Variants in MCF2L2 observed in about 807,000 individuals in gnomAD.
MCF2L2 encodes the protein probable guanine nucleotide exchange factor MCF2L2.
In MCF2L2, 102 loss-of-function variants were observed where a neutral mutation model predicts 150.2. The observed-to-expected ratio is 0.68, with a 90% CI of 0.58 to 0.80. MCF2L2 has a LOEUF of 0.80. Ranked by LOEUF, MCF2L2 falls within the 30% of genes least tolerant of loss-of-function variation. The pLI, the probability that MCF2L2 is intolerant of heterozygous loss-of-function variation, is 0.00. For synonymous variants in MCF2L2, 465 were observed against 491.3 expected, an observed-to-expected ratio of 0.95 and a Z score of 0.71; for missense variants, 1,256 against 1,372.8, an observed-to-expected ratio of 0.91 and a Z score of 1.34.
At chr3:183,350,727 A>C (rs1731079427) in intron 3 of MCF2L2, among the ~76,000 whole-genome samples, 1 of 151,998 alleles carries the variant, frequency 6.6e-6, no homozygotes, top group African/African-American at 2.4e-5. Context: ...ACACGGTGAA[A>C]CCCTGTCTCT....
intron 2 of MCF2L2, among the ~76,000 whole-genome samples, chr3:183,380,306 G>A (rs990707316): frequency 1.3e-5 from 2 of 152,176 alleles, no homozygotes; most frequent in Non-Finnish European, 2.9e-5. Context: ...CACTGTGACT[G>A]TTTTAAATTT....
At chr3:183,272,798 A>G in intron 15 of MCF2L2, 10 of 1,168,024 alleles carry the variant, frequency 8.6e-6, no homozygotes, top group Non-Finnish European at 1.1e-5. Context: ...CTGTGTATCT[A>G]TACTTGGAAG....
At position 183,216,622 on chromosome 3, in the gene MCF2L2, C is replaced by T. The variant is rs551700130; in HGVS notation, c.2371-528G>A. The stretch of plus-strand genomic sequence containing the variant: ...TTTTTTTTTTTTTTTTTTTTGAGAG[C>T]GAGAGAGAGTTTCACTCTGTCACCC... On this transcript the variant is annotated intron_variant, in intron 21 of 29. Transcript: ENST00000328913. Among the ~76,000 whole-genome samples the T allele has an allele frequency of 4.1e-4, 41 of 98,816 alleles. 1 individual carries two copies. In the Admixed American group the frequency reaches 4.3e-3, roughly 10 times the overall value. 64.8% of individuals were successfully genotyped at this position (98,816 alleles called of 152,430 possible).
chr3:183,331,805 C>T (rs1200104653), intron 5 of MCF2L2, among the ~76,000 whole-genome samples: 2 of 152,262 alleles, frequency 1.3e-5, no homozygotes, highest in South Asian at 2.1e-4. Context: ...TGCAGTGAGT[C>T]CTGATGGAGC....
intron 2 of MCF2L2, among the ~76,000 whole-genome samples, chr3:183,386,485 C>G (rs1713839230): frequency 6.6e-6 from 1 of 152,232 alleles, no homozygotes; most frequent in Admixed American, 6.5e-5. Flanking sequence ...CTTCTACCAG[C>G]CGTGGGAACA....
chr3:183,361,944 A>T (rs1467548741), intron 3 of MCF2L2, among the ~76,000 whole-genome samples: 1 of 152,212 alleles, frequency 6.6e-6, no homozygotes, highest in Non-Finnish European at 1.5e-5. Context: ...TGTTTCATGC[A>T]CAAAATTATT....
chr3:183,324,333 G>A (rs1729939375), intron 5 of MCF2L2, among the ~76,000 whole-genome samples: 1 of 152,142 alleles, frequency 6.6e-6, no homozygotes, highest in Admixed American at 6.5e-5. Context: ...TGGCCTGGGT[G>A]TGGTTCTGGC....
intron 15 of MCF2L2, among the ~76,000 whole-genome samples, chr3:183,258,038 G>T (rs1725223385): frequency 7.3e-6 from 1 of 136,662 alleles, no homozygotes; most frequent in Admixed American, 8.2e-5. Context: ...TGCCATCTCG[G>T]CTCACCGCAA....
At chr3:183,399,761 G>A (rs73062770) in intron 1 of MCF2L2, among the ~76,000 whole-genome samples, 3,119 of 152,158 alleles carry the variant, frequency 0.02, 116 homozygotes, top group African/African-American at 0.071. Flanking sequence ...TATTGAAATG[G>A]TAAAGGTTCA....
chr3:183,220,922 T>A (rs1723126191), intron 20 of MCF2L2, among the ~76,000 whole-genome samples: 1 of 152,242 alleles, frequency 6.6e-6, no homozygotes, highest in South Asian at 2.1e-4. Flanking sequence ...TGTTCACATT[T>A]TCCCCAATGT....
At chr3:183,367,138 C>T (rs1712583325) in intron 3 of MCF2L2, among the ~76,000 whole-genome samples, 2 of 152,076 alleles carry the variant, frequency 1.3e-5, no homozygotes, top group African/African-American at 2.4e-5. Flanking sequence ...ACAACTGTCA[C>T]TTGAGAGGTC....
At chr3:183,246,912 G>GT (rs1333665793) in intron 15 of MCF2L2, among the ~76,000 whole-genome samples, 1 of 152,058 alleles carries the variant, frequency 6.6e-6, no homozygotes, top group Admixed American at 6.5e-5. Context: ...GGTTGTTTTT[G>GT]TTTTTTGTTT....
rs60736939 is a variant in MCF2L2 at position 183,238,995 on chromosome 3, C to CAAA, written c.1863-7981_1863-7979dup. ...CTGGGCAACAGAGCGATATCCGTCT[C>CAAA]AAAAAAAAAAAAAAAAAAAAAAAGA... On this transcript the variant is annotated intron_variant, in intron 15 of 29. Coordinates refer to ENST00000328913, the MANE Select transcript of MCF2L2 (RefSeq NM_015078.4). 2.2e-3 allele frequency among the ~76,000 whole-genome samples: 198 copies of CAAA among 88,762 alleles called. 3 individuals are homozygous for CAAA. The highest frequency in any genetic ancestry group is 6.3e-3 in the Middle Eastern group (1 of 158). 58.2% of individuals were successfully genotyped at this position (88,762 alleles called of 152,430 possible).
At chr3:183,231,052 A>G in intron 15 of MCF2L2, 35 bp from the exon 16 acceptor site, 2 of 1,488,562 alleles carry the variant, frequency 1.3e-6, no homozygotes, top group Non-Finnish European at 9.4e-7. Context: ...GGTGAAAGAG[A>G]GAGAGACAGG....
At chr3:183,258,987 C>T (rs74802279) in intron 15 of MCF2L2, among the ~76,000 whole-genome samples, 1 of 152,014 alleles carries the variant, frequency 6.6e-6, no homozygotes, top group Non-Finnish European at 1.5e-5. Flanking sequence ...TGCATAATGA[C>T]AAGAAAAAAA....
intron 4 of MCF2L2, among the ~76,000 whole-genome samples, chr3:183,339,172 T>A (rs1459515512): frequency 1.3e-5 from 2 of 152,304 alleles, no homozygotes; most frequent in Non-Finnish European, 2.9e-5. Context: ...AAATAATTCA[T>A]ATTATTTATA....
At chr3:183,330,245 G>GGA (rs1468197063) in intron 5 of MCF2L2, among the ~76,000 whole-genome samples, 1 of 57,344 alleles carries the variant, frequency 1.7e-5, no homozygotes, top group African/African-American at 7.2e-5. Context: ...ACCCTGTCTT[G>GGA]AAAAAAAAAA....
chr3:183,342,728 A>G (rs573788594), intron 3 of MCF2L2, among the ~76,000 whole-genome samples: 1 of 151,636 alleles, frequency 6.6e-6, no homozygotes, highest in South Asian at 2.1e-4. Flanking sequence ...ACTTGGTAAT[A>G]CTGTATAAGC....
chr3:183,364,992 TTAAAA>T (rs2108570748), intron 3 of MCF2L2, among the ~76,000 whole-genome samples: 1 of 152,212 alleles, frequency 6.6e-6, no homozygotes, highest in African/African-American at 2.4e-5. Context: ...AAAGAAGACT[TTAAAA>T]TACTACTTAT....
Sources: gnomAD v4.1 joint callset for allele counts (sites outside exome capture counted in the v4.1 genomes callset) on GRCh38, gnomAD v4.1.1 for gene constraint, MANE v1.5 for transcripts, NCBI Gene and HGNC (gene_info 2026-07-23, HGNC 2026-07-21) for gene names.